Variants in PDE8B observed in about 807,000 individuals in gnomAD.
PDE8B encodes the protein high affinity cAMP-specific and IBMX-insensitive 3',5'-cyclic phosphodiesterase 8B.
In PDE8B, 26 loss-of-function variants were observed where a neutral mutation model predicts 101.3. The observed-to-expected ratio is 0.26, with a 90% CI of 0.19 to 0.36. The LOEUF (loss-of-function observed/expected upper bound fraction) is 0.36, where lower values mean the gene tolerates loss of function less well. Among genes scored for constraint, PDE8B ranks in the 10% least tolerant of loss-of-function variants. PDE8B has a pLI of 1.00. For missense variants in PDE8B, 810 were observed against 1,163.1 expected, an observed-to-expected ratio of 0.70 and a Z score of 4.42; for synonymous variants, 424 against 429.3, an observed-to-expected ratio of 0.99 and a Z score of 0.15.
At chr5:77,363,972 G>A (rs1783634392) in intron 10 of PDE8B, among the ~76,000 whole-genome samples, 1 of 152,196 alleles carries the variant, frequency 6.6e-6, no homozygotes, top group Admixed American at 6.5e-5. Flanking sequence ...TTGGGCTGAA[G>A]TAGATCATGT....
chr5:77,416,456 G>A lies in PDE8B; in HGVS notation c.1912-1773G>A, dbSNP rs909673528. On this transcript the variant is annotated intron_variant, in intron 17 of 21. Transcript: ENST00000264917. ...GTCCTGAGCTTGGAGATCGCTGAACGTGCCTGCAGGTGACCGTGGCCTCTC... is the reference window on the plus strand; with the variant it reads ...GTCCTGAGCTTGGAGATCGCTGAACATGCCTGCAGGTGACCGTGGCCTCTC... Among the ~76,000 whole-genome samples, 18 of 152,318 alleles carry A rather than the reference G, an allele frequency of 1.2e-4. 1 individual carries two copies. The Middle Eastern group carries it at 0.01, about 86-fold the overall frequency.
At position 77,381,940 on chromosome 5, in the gene PDE8B, A is replaced by G. The variant is rs367799704; in HGVS notation, c.1168-18308A>G. ...AGTGTATTATCTTATGCCCAGGCTC[A>G]TAGTAGGGTGTCCCAGGGACTGTGA... is the stretch of plus-strand genomic sequence containing the variant. On this transcript the variant is annotated intron_variant, in intron 10 of 21. Coordinates refer to ENST00000264917, the MANE Select transcript of PDE8B (RefSeq NM_003719.5). Among the ~76,000 whole-genome samples the G allele has an allele frequency of 1.6e-4, 24 of 152,320 alleles. No individual in the cohort carries two copies. The East Asian group carries it at 2.3e-3, about 15-fold the overall frequency.
intron 2 of PDE8B, among the ~76,000 whole-genome samples, chr5:77,319,908 C>A (rs1476144030): frequency 6.6e-6 from 1 of 152,220 alleles, no homozygotes; most frequent in African/African-American, 2.4e-5. Context: ...ACTGTCCAAA[C>A]TACTCTTGAT....
chr5:77,219,433 A>G (rs559934954), intron 1 of PDE8B, among the ~76,000 whole-genome samples: 11 of 152,314 alleles, frequency 7.2e-5, no homozygotes, highest in Admixed American at 5.2e-4. Flanking sequence ...GAGAGATTTT[A>G]AAGCAACCTA....
At chr5:77,315,711 T>C (rs1580990801) in intron 2 of PDE8B, among the ~76,000 whole-genome samples, 1 of 152,256 alleles carries the variant, frequency 6.6e-6, no homozygotes, top group Admixed American at 6.5e-5. Flanking sequence ...GTGTTAATAC[T>C]TGCTGGTATT....
chr5:77,331,313 G>C, intron 4 of PDE8B, 89 bp from the exon 5 acceptor site: 1 of 1,157,394 alleles, frequency 8.6e-7, no homozygotes, highest in Admixed American at 1.7e-5. Context: ...AGCTAACGCT[G>C]TGTGGCCTCA....
intron 1 of PDE8B, among the ~76,000 whole-genome samples, chr5:77,241,040 G>A (rs1293315718): frequency 6.6e-6 from 1 of 152,210 alleles, no homozygotes; most frequent in Non-Finnish European, 1.5e-5. Context: ...AAGTGAGACA[G>A]TTGCAAACAG....
chr5:77,265,808 A>T (rs948102229), intron 1 of PDE8B, among the ~76,000 whole-genome samples: 7 of 152,264 alleles, frequency 4.6e-5, no homozygotes, highest in Non-Finnish European at 8.8e-5. Flanking sequence ...TTATTTCAAT[A>T]TTAAATATCC....
chr5:77,335,359 C>T (rs1467559484), intron 5 of PDE8B, among the ~76,000 whole-genome samples: 1 of 152,168 alleles, frequency 6.6e-6, no homozygotes, highest in Non-Finnish European at 1.5e-5. Flanking sequence ...TAACTTTGCT[C>T]TGTAAATCAA....
the PDE8B span, among the ~76,000 whole-genome samples, chr5:77,153,572 CTTTTTTT>C: frequency 2.3e-5 from 3 of 131,484 alleles, no homozygotes; most frequent in South Asian, 7.2e-4. Flanking sequence ...CAGCTTTACT[CTTTTTTT>C]TTTTTTTTTT....
the PDE8B span, among the ~76,000 whole-genome samples, chr5:77,159,065 C>T: frequency 6.6e-6 from 1 of 152,192 alleles, no homozygotes; most frequent in Non-Finnish European, 1.5e-5. Flanking sequence ...TCCTGCCCTA[C>T]TCTATGTGGT....
the PDE8B span, among the ~76,000 whole-genome samples, chr5:77,097,687 A>T: frequency 5.3e-3 from 200 of 37,558 alleles, 3 homozygotes; most frequent in African/African-American, 0.011. Context: ...TGGAGATTTT[A>T]TATATCTATA....
rs575410970 is a variant in PDE8B at position 77,379,905 on chromosome 5, C to A, written c.1168-20343C>A. ...AGGGTCTCAAATGACTCAGTTCCTG[C>A]GATCACATCTCTTTATCCAGCATTC... On this transcript the variant is annotated intron_variant, in intron 10 of 21. Transcript: ENST00000264917. Among the ~76,000 whole-genome samples the A allele has an allele frequency of 1.7e-3, 254 of 152,212 alleles. 3 individuals carry two copies. Among genetic ancestry groups the A allele is most frequent in the African/African-American group, 5.9e-3 (244 of 41,536 alleles).
chr5:77,187,228 A>G, the PDE8B span, among the ~76,000 whole-genome samples: 1 of 152,238 alleles, frequency 6.6e-6, no homozygotes, highest in African/African-American at 2.4e-5. Flanking sequence ...GAGTCAAGGA[A>G]ATAGAGCATG....
At chr5:77,293,417 G>T (rs1411104794) in intron 1 of PDE8B, among the ~76,000 whole-genome samples, 3 of 152,150 alleles carry the variant, frequency 2.0e-5, no homozygotes, top group Non-Finnish European at 4.4e-5. Context: ...TAGTATATAG[G>T]TTAATTTGAG....
At chr5:77,198,456 C>G in the PDE8B span, among the ~76,000 whole-genome samples, 9 of 152,234 alleles carry the variant, frequency 5.9e-5, no homozygotes, top group African/African-American at 2.2e-4. Context: ...AAATACTGCC[C>G]CATAAATCCC....
Position 77,210,985 on chromosome 5 carries a change from G to C in PDE8B, c.60G>C (p.Ser20=), listed in dbSNP as rs772962358. 8 of 1,540,714 alleles carry C rather than the reference G, an allele frequency of 5.2e-6. No homozygotes were observed. In the Middle Eastern group the frequency reaches 5.2e-4, roughly 101 times the overall value. ...SQSGVIYCRD[S]DESSSPRQTT... is the part of the protein sequence containing the mutation. ...GCGGCGTGATCTACTGCCGGGACTCGGACGAGTCCAGCTCGCCCCGCCAGA... is the reference window on the plus strand; with the variant it reads ...GCGGCGTGATCTACTGCCGGGACTCCGACGAGTCCAGCTCGCCCCGCCAGA... The change falls in exon 1 of 22, where the codon TCG becomes TCC. Residue 20 remains serine, a synonymous_variant. Transcript: ENST00000264917. This position sits in a 1 kb window ranked among gnomAD's most constrained non-coding sequence, Gnocchi z 4.9.
intron 1 of PDE8B, among the ~76,000 whole-genome samples, chr5:77,269,971 ACTTAAATTTT>A (rs1762468474): frequency 6.6e-6 from 1 of 152,114 alleles, no homozygotes; most frequent in East Asian, 1.9e-4. Context: ...TTGTGATTCC[ACTTAAATTTT>A]AGGATTTTTT....
At chr5:77,173,894 C>CAAA in the PDE8B span, among the ~76,000 whole-genome samples, 1 of 152,134 alleles carries the variant, frequency 6.6e-6, no homozygotes, top group African/African-American at 2.4e-5. Context: ...TCTCCATTTG[C>CAAA]AGTCTTTAAG....
Sources: allele counts gnomAD v4.1 joint callset (sites outside exome capture counted in the v4.1 genomes callset), GRCh38; gene constraint gnomAD v4.1.1; non-coding constraint Gnocchi (gnomAD v3.1); transcripts MANE v1.5; gene names NCBI Gene and HGNC (gene_info 2026-07-23, HGNC 2026-07-21).